TRIML2: variants seen among roughly 807,000 people sequenced by gnomAD.
The protein encoded by TRIML2 is tripartite motif family like 2, also known as probable E3 ubiquitin-protein ligase TRIML2.
TRIML2 carries 28 observed loss-of-function variants against 31.2 expected under a neutral mutation model. The ratio of observed to expected loss-of-function variants is 0.90; its 90% CI spans 0.66 to 1.23. The LOEUF is 1.23. Ranked by LOEUF, TRIML2 falls within the 50% of genes most tolerant of loss-of-function variation. The pLI is 0.00. For missense variants in TRIML2, 536 were observed against 528.3 expected (o/e 1.01, Z -0.14); for synonymous variants, 187 against 197.5 (o/e 0.95, Z 0.45).
chr4:188,091,872 C>T lies in TRIML2; in HGVS notation c.815G>A (p.Arg272Lys). 1 of 1,614,076 alleles carries T rather than the reference C, an allele frequency of 6.2e-7. No homozygotes were observed. Among genetic ancestry groups the T allele is most frequent in the Non-Finnish European group, 8.5e-7 (1 of 1,180,044 alleles). ...LALSEDLRTM[R>K]LRHGQQDGAG... ...CCCATCCTGCTGCCCATGTCTCAAT[C>T]TCATAGTTCTCAGGTCCTCAGATAG... The change falls in exon 8 of 8, where the codon AGA (arginine) becomes AAA (lysine). Residue 272 changes from arginine to lysine, a missense_variant. Physicochemically the swap from Arg to Lys is conservative, Grantham distance 26. Coordinates refer to ENST00000682553, the MANE Select transcript of TRIML2 (RefSeq NM_173553.4).
At chr4:188,102,002 C>T (rs1293426180) in intron 3 of TRIML2, among the ~76,000 whole-genome samples, 5 of 151,178 alleles carry the variant, frequency 3.3e-5, no homozygotes, top group Non-Finnish European at 5.9e-5. Flanking sequence ...TGGTGGCGGG[C>T]GCCTGTAGTC....
In TRIML2 at chr4:188,105,281, A is replaced by G; in HGVS notation, c.88T>C (p.Cys30Arg). 6.2e-7 allele frequency: 1 copy of G among 1,612,796 alleles called. No individual in the cohort carries two copies. The highest frequency in any genetic ancestry group is 8.5e-7 in the Non-Finnish European group (1 of 1,178,850). The change falls in exon 2 of 8, where the codon TGT (cysteine) becomes CGT (arginine). Residue 30 changes from cysteine to arginine, a missense_variant. Transcript: ENST00000682553. ...ETHLEPTRLF[C>R]DVDQITLCSK... is the part of the protein sequence containing the mutation. ...CAGAGTGTGATTTGGTCAACATCAC[A>G]GAACAGCCGTGTTGGTTCCAGGTGT...
At chr4:188,092,595 C>G (rs1004436504) in intron 7 of TRIML2, among the ~76,000 whole-genome samples, 1 of 152,196 alleles carries the variant, frequency 6.6e-6, no homozygotes, top group Admixed American at 6.5e-5. Flanking sequence ...AAGCCTGGAG[C>G]GGCCACAGGA....
In TRIML2 at chr4:188,104,935, A is replaced by C; in HGVS notation, c.190-3T>G. On this transcript the variant is annotated splice_polypyrimidine_tract_variant and splice_region_variant and intron_variant, in intron 2 of 7. Transcript: ENST00000682553. ...TTCAATATTTCCTGGAATAACTTCT[A>C]TAGAGAAAGCACAGAATTCCAGGTG... is the stretch of plus-strand genomic sequence containing the variant. 1 of 1,611,632 alleles carries C rather than the reference A, an allele frequency of 6.2e-7. No individual in the cohort carries two copies. Among genetic ancestry groups the C allele is most frequent in the Non-Finnish European group, 8.5e-7 (1 of 1,177,802 alleles).
chr4:188,105,336 G>A lies in TRIML2; in HGVS notation c.33C>T (p.His11=). ...CACAATAGGCATCTTCTGTGATGTT[G>A]TGCTGTAACTGAGGGCTGAGCCTTT... MSKRLSPQLQ[H]NITEDAYCET... Residue 11 remains histidine, a synonymous_variant, in exon 2 of 8, where the codon CAC becomes CAT. Transcript: ENST00000682553. 6.3e-7 allele frequency: 1 copy of A among 1,596,488 alleles called. No homozygotes were observed. Among genetic ancestry groups the A allele is most frequent in the Non-Finnish European group, 8.6e-7 (1 of 1,168,010 alleles).
At chr4:188,101,343 A>G (rs1282665842) in intron 3 of TRIML2, 93 bp from the exon 4 acceptor site, 2 of 635,100 alleles carry the variant, frequency 3.1e-6, no homozygotes, top group Non-Finnish European at 5.1e-6. Flanking sequence ...ATATCTATAT[A>G]TAGATATATA....
chr4:188,096,528 C>CAA (rs10607852), intron 7 of TRIML2, among the ~76,000 whole-genome samples: 1,012 of 39,272 alleles, frequency 0.026, 169 homozygotes, highest in African/African-American at 0.06. Flanking sequence ...AACTCTGTCT[C>CAA]AAAAAAAAAA....
chr4:188,106,837 C>T, intron 1 of TRIML2: 4 of 252,570 alleles, frequency 1.6e-5, no homozygotes, highest in Admixed American at 9.3e-5. Context: ...GAAGACAGGC[C>T]GGGCTGAGCC....
At chr4:188,108,789 A>G (rs1464800264) in intron 1 of TRIML2, among the ~76,000 whole-genome samples, 1 of 152,158 alleles carries the variant, frequency 6.6e-6, no homozygotes. Context: ...AGACCTTTCC[A>G]TCACTACTCA....
chr4:188,103,207 A>T (rs962905528), intron 3 of TRIML2, among the ~76,000 whole-genome samples: 2 of 151,794 alleles, frequency 1.3e-5, no homozygotes, highest in East Asian at 3.9e-4. Flanking sequence ...TCACCGTGTT[A>T]GCCAGGATGG....
In TRIML2 at chr4:188,098,260, C is replaced by G. The variant is rs1186497318; in HGVS notation, c.621+775G>C. On this transcript the variant is annotated intron_variant, in intron 5 of 7. Coordinates refer to ENST00000682553, the MANE Select transcript of TRIML2 (RefSeq NM_173553.4). Reference sequence around the variant, plus strand: ...ATTCATTTCTCGCAGTTCTGGAGGCCGAATTTCAAGATCAAGGCACTGGCA... The same window carrying G: ...ATTCATTTCTCGCAGTTCTGGAGGCGGAATTTCAAGATCAAGGCACTGGCA... 6 of 455,330 alleles carry G rather than the reference C, an allele frequency of 1.3e-5. No homozygotes were observed. In the East Asian group the frequency reaches 4.2e-4, roughly 32 times the overall value. The allele number at this position is 455,330 out of a possible 1,614,324, so 28.2% of individuals were successfully genotyped here.
At chr4:188,095,261 GA>G (rs1733455729) in intron 7 of TRIML2, among the ~76,000 whole-genome samples, 1 of 152,034 alleles carries the variant, frequency 6.6e-6, no homozygotes, top group South Asian at 2.1e-4. Context: ...AGTCATAAAA[GA>G]AAAAACTTGA....
rs763009173 is a variant in TRIML2 at position 188,091,847 on chromosome 4, C to A, written c.840G>T (p.Gly280=). 4 of 1,614,160 alleles carry A rather than the reference C, an allele frequency of 2.5e-6. No individual in the cohort carries two copies. The East Asian group carries it at 8.9e-5, about 36-fold the overall frequency. Residue 280 remains glycine, a synonymous_variant, in exon 8 of 8, where the codon GGG becomes GGT. Transcript: ENST00000682553. ...AATCCAATCTTTCTGGGTTGCCAGC[C>A]CCATCCTGCTGCCCATGTCTCAATC... The part of the protein sequence containing the change: ...TMRLRHGQQD[G]AGNPERLDFS...
At position 188,091,437 on chromosome 4, in the gene TRIML2, G is replaced by T; in HGVS notation, c.1250C>A (p.Thr417Lys). The T allele has an allele frequency of 6.2e-7, 1 of 1,614,212 alleles. No homozygotes were observed. The highest frequency in any genetic ancestry group is 1.1e-5 in the South Asian group (1 of 91,082). ...VFSLCIPNGD[T>K]SPDSLTILQH... ...TAAGATGGTGAGGGAGTCTGGACTT[G>T]TGTCTCCATTTGGGATACAGAGGGA... Residue 417 changes from threonine (T) to lysine (K), a missense_variant, in exon 8 of 8, where the codon ACA becomes AAA. Transcript: ENST00000682553.
At chr4:188,109,033 A>G (rs1418367379) in intron 1 of TRIML2, among the ~76,000 whole-genome samples, 1 of 152,118 alleles carries the variant, frequency 6.6e-6, no homozygotes. Context: ...GACAGAGACT[A>G]AATATTTTTA....
rs554359732 is a variant in TRIML2 at position 188,106,262 on chromosome 4, A to G, written c.-222-672T>C. On this transcript the variant is annotated intron_variant, in intron 1 of 7. Transcript: ENST00000682553. ...GAGACGGGGTTTCACCGTGTTAGCC[A>G]GGATGGTCTCGATCTCCTGACCTCG... Among the ~76,000 whole-genome samples the G allele has an allele frequency of 4.4e-4, 67 of 152,146 alleles. No individual in the cohort carries two copies. The South Asian group carries it at 9.4e-3, about 21-fold the overall frequency.
At chr4:188,098,939 A>T in intron 5 of TRIML2, 96 bp downstream of exon 5, 1 of 1,360,654 alleles carries the variant, frequency 7.3e-7, no homozygotes, top group Non-Finnish European at 1.0e-6. Flanking sequence ...AGATCATTGG[A>T]TATTGTGTTC....
chr4:188,099,613 T>C (rs1490062463), intron 4 of TRIML2, among the ~76,000 whole-genome samples: 1 of 151,460 alleles, frequency 6.6e-6, no homozygotes, highest in African/African-American at 2.4e-5. Context: ...CCTGCTTTTC[T>C]GCCTGCTACC....
chr4:188,095,438 C>T (rs559742628), intron 7 of TRIML2, among the ~76,000 whole-genome samples: 2 of 152,142 alleles, frequency 1.3e-5, no homozygotes, highest in South Asian at 2.1e-4. Context: ...ACATACAACC[C>T]AATTTAGAAA....
Sources: gnomAD v4.1 joint callset for allele counts (sites outside exome capture counted in the v4.1 genomes callset) on GRCh38, gnomAD v4.1.1 for gene constraint, MANE v1.5 for transcripts, NCBI Gene and HGNC (gene_info 2026-07-23, HGNC 2026-07-21) for gene names.